Variants in LNP1 observed in about 807,000 individuals in gnomAD.
LNP1 encodes leukemia NUP98 fusion partner 1.
In LNP1, 12 loss-of-function variants were observed where a neutral mutation model predicts 14.5. That is an observed-to-expected ratio of 0.83 (90% CI 0.53 to 1.34). The LOEUF is 1.34. LNP1 is among the 40% of genes most tolerant of loss of function. LNP1 has a pLI of 0.00. For missense variants in LNP1, 198 were observed against 210.9 expected, an observed-to-expected ratio of 0.94 and a Z score of 0.38; for synonymous variants, 75 against 71.4, an observed-to-expected ratio of 1.05 and a Z score of -0.26.
intron 2 of LNP1, among the ~76,000 whole-genome samples, chr3:100,432,421 C>T (rs563273341): frequency 2.0e-5 from 3 of 152,144 alleles, no homozygotes; most frequent in African/African-American, 7.2e-5. Flanking sequence ...AAACATTGTC[C>T]GAGTATCACA....
At chr3:100,436,528 C>T (rs1707296393) in intron 2 of LNP1, among the ~76,000 whole-genome samples, 1 of 152,138 alleles carries the variant, frequency 6.6e-6, no homozygotes, top group Non-Finnish European at 1.5e-5. Context: ...TCCTCCTCCT[C>T]CTCTGTCAGA....
intron 2 of LNP1, among the ~76,000 whole-genome samples, chr3:100,446,319 T>C (rs1441437345): frequency 6.6e-6 from 1 of 152,184 alleles, no homozygotes; most frequent in African/African-American, 2.4e-5. Flanking sequence ...ATCTGATCTT[T>C]GACAAATCTG....
intron 2 of LNP1, among the ~76,000 whole-genome samples, chr3:100,445,386 T>A (rs1042887373): frequency 2.0e-5 from 3 of 152,186 alleles, no homozygotes; most frequent in African/African-American, 7.2e-5. Context: ...ATAGCTTTAA[T>A]TTCTGGCCCT....
At chr3:100,454,671 G>C (rs1349898211) in intron 3 of LNP1, among the ~76,000 whole-genome samples, 3 of 152,030 alleles carry the variant, frequency 2.0e-5, no homozygotes, top group African/African-American at 7.3e-5. Context: ...GTATTTCAGG[G>C]CATTATTTAC....
At chr3:100,433,727 A>G (rs936828828) in intron 2 of LNP1, among the ~76,000 whole-genome samples, 1 of 152,018 alleles carries the variant, frequency 6.6e-6, no homozygotes, top group Non-Finnish European at 1.5e-5. Flanking sequence ...GCCAGCATCT[A>G]TTGTTTCTTG....
Position 100,433,363 on chromosome 3 carries a change from C to A in LNP1, c.156+3478C>A, listed in dbSNP as rs1025017887. Among the ~76,000 whole-genome samples the A allele has an allele frequency of 2.6e-5, 4 of 152,270 alleles. No homozygotes were observed. The South Asian group carries it at 8.3e-4, about 32-fold the overall frequency. On this transcript the variant is annotated intron_variant, in intron 2 of 3. Transcript: ENST00000383693. ...GTTAGTTTGCTGAGGGTGATGGCTT[C>A]CAGCTTCATCTATGTCCCTGCAAAG...
chr3:100,415,422 AAAC>A (rs1707073283), intron 1 of LNP1, among the ~76,000 whole-genome samples: 1 of 152,254 alleles, frequency 6.6e-6, no homozygotes, highest in African/African-American at 2.4e-5. Flanking sequence ...ATACAAATTA[AAAC>A]AACAATGAAA....
rs1707099107 is a variant in LNP1, at chr3:100,417,629, T to G, written c.-33-12068T>G. Among the ~76,000 whole-genome samples the G allele has an allele frequency of 3.9e-5, 6 of 152,222 alleles. No homozygotes were observed. In the South Asian group the frequency reaches 1.2e-3, roughly 32 times the overall value. On this transcript the variant is annotated intron_variant, in intron 1 of 3. Coordinates refer to ENST00000383693, the MANE Select transcript of LNP1 (RefSeq NM_001085451.2). ...CGTGACCTCAAATGATCCACCCACC[T>G]TGGCCCTTCAAAATGCTGGGATTAC...
intron 3 of LNP1, among the ~76,000 whole-genome samples, chr3:100,455,486 T>C (rs994907116): frequency 3.9e-5 from 6 of 152,222 alleles, no homozygotes; most frequent in African/African-American, 1.2e-4. Context: ...ATTAATTTCA[T>C]TGTGCCATGA....
At chr3:100,442,670 T>A (rs1405436800) in intron 2 of LNP1, among the ~76,000 whole-genome samples, 1 of 152,200 alleles carries the variant, frequency 6.6e-6, no homozygotes. Context: ...TTTGAAAGAA[T>A]GGGAGGCAGG....
intron 1 of LNP1, among the ~76,000 whole-genome samples, chr3:100,422,525 C>T (rs1019557565): frequency 2.0e-5 from 3 of 152,090 alleles, no homozygotes; most frequent in Admixed American, 6.6e-5. Context: ...ATTGAAGAGA[C>T]CTTGAGAGGT....
Position 100,429,737 on chromosome 3 carries a change from A to G in LNP1, c.8A>G (p.His3Arg), listed in dbSNP as rs1412780767. 6.2e-7 allele frequency: 1 copy of G among 1,613,892 alleles called. No homozygotes were observed. Among genetic ancestry groups the G allele is most frequent in the South Asian group, 1.1e-5 (1 of 91,064 alleles). Residue 3 changes from histidine (H) to arginine (R), a missense_variant, in exon 2 of 4, where the codon CAC becomes CGC. Coordinates refer to ENST00000383693, the MANE Select transcript of LNP1 (RefSeq NM_001085451.2). ME[H>R]KDDDDDDVSF... is the part of the protein sequence containing the mutation. ...ATTTGGCATCACCTTTACATGGAGC[A>G]CAAAGATGATGATGATGATGATGTG...
chr3:100,412,374 T>G (rs879433949), intron 1 of LNP1, among the ~76,000 whole-genome samples: 2 of 152,190 alleles, frequency 1.3e-5, no homozygotes, highest in Non-Finnish European at 2.9e-5. Flanking sequence ...AACTGCCACA[T>G]TTGGGATGAA....
rs1707506094 is a variant in LNP1, at chr3:100,455,891, C to T, written c.502C>T (p.His168Tyr). The change falls in exon 4 of 4, where the codon CAC becomes TAC. Residue 168 changes from histidine to tyrosine, a missense_variant. His to Tyr is a moderately conservative substitution (Grantham distance 83). Transcript: ENST00000383693. ...TAGGAAAGAAGAGCATGGAGAAGCA[C>T]ACATGGCTCCCCTGTTTGAAAAAGG... ...SSRKEEHGEA[H>Y]MAPLFEKGPE is the part of the protein sequence containing the mutation. 6.2e-7 allele frequency: 1 copy of T among 1,613,826 alleles called. No individual in the cohort carries two copies. The highest frequency in any genetic ancestry group is 2.2e-5 in the East Asian group (1 of 44,882).
intron 1 of LNP1, among the ~76,000 whole-genome samples, chr3:100,416,510 G>C (rs577915441): frequency 6.6e-6 from 1 of 150,904 alleles, no homozygotes; most frequent in East Asian, 2.0e-4. Flanking sequence ...CCATAATCTG[G>C]GTGTTCATTG....
intron 3 of LNP1, among the ~76,000 whole-genome samples, chr3:100,453,211 G>A (rs1707476459): frequency 6.6e-6 from 1 of 152,052 alleles, no homozygotes; most frequent in East Asian, 1.9e-4. Context: ...GTATCCATAT[G>A]GTTTCCCTTC....
At chr3:100,422,169 G>A (rs1208282211) in intron 1 of LNP1, among the ~76,000 whole-genome samples, 2 of 148,038 alleles carry the variant, frequency 1.4e-5, no homozygotes, top group African/African-American at 2.5e-5. Context: ...CTGATGAACT[G>A]GATTGATAAA....
intron 1 of LNP1, among the ~76,000 whole-genome samples, chr3:100,428,823 G>T (rs1257460837): frequency 6.6e-6 from 1 of 152,170 alleles, no homozygotes; most frequent in Non-Finnish European, 1.5e-5. Context: ...CAAAAACATG[G>T]ATATATCTCA....
At chr3:100,450,394 C>T (rs530315318) in intron 2 of LNP1, among the ~76,000 whole-genome samples, 72 of 150,042 alleles carry the variant, frequency 4.8e-4, no homozygotes, top group African/African-American at 1.5e-3. Flanking sequence ...AGTGCAATAG[C>T]GTGATCTCGG....
Sources: gnomAD v4.1 joint callset for allele counts (sites outside exome capture counted in the v4.1 genomes callset) on GRCh38, gnomAD v4.1.1 for gene constraint, MANE v1.5 for transcripts, NCBI Gene and HGNC (gene_info 2026-07-23, HGNC 2026-07-21) for gene names.